The following RBFOX1 variants were observed in gnomAD, a reference collection of about 807,000 sequenced individuals.
RBFOX1 encodes RNA binding protein fox-1 homolog 1.
Under a neutral mutation model 57.7 loss-of-function variants are expected in RBFOX1, and 8 were observed. The ratio of observed to expected loss-of-function variants is 0.14; its 90% confidence interval spans 0.08 to 0.25. The LOEUF (loss-of-function observed/expected upper bound fraction) is 0.25. Ranked by LOEUF, RBFOX1 falls within the 10% of genes least tolerant of loss-of-function variation. The pLI, the probability that RBFOX1 is intolerant of heterozygous loss-of-function variation, is 1.00. For synonymous variants in RBFOX1, 326 were observed against 222.4 expected (o/e 1.47, Z -4.15); for missense variants, 611 against 548.5 (o/e 1.11, Z -1.14).
At position 5,418,080 on chromosome 16, in the gene RBFOX1, TCAA is replaced by T. The variant is rs58380992; in HGVS notation, c.220-49114_220-49112del. ...TGGGCAACAAGAGCAAAACTCCATC[TCAA>T]CAACAACAACAACAACAACAAATCT... is the stretch of plus-strand genomic sequence containing the variant. On this transcript the variant is annotated intron_variant, in intron 1 of 2. Transcript: ENST00000585867. Among the ~76,000 whole-genome samples, 280 of 150,988 alleles carry T rather than the reference TCAA, an allele frequency of 1.9e-3. 2 individuals carry two copies. Among genetic ancestry groups the T allele is most frequent in the African/African-American group, 5.7e-3 (235 of 41,064 alleles).
intron 3 of RBFOX1, among the ~76,000 whole-genome samples, chr16:6,887,372 C>T (rs2064312550): frequency 6.6e-6 from 1 of 152,066 alleles, no homozygotes. Context: ...TCTCCCTGGC[C>T]TTATGGGTTC....
At chr16:6,654,892 TTC>T (rs3045238) in intron 3 of RBFOX1, among the ~76,000 whole-genome samples, 71,677 of 151,784 alleles carry the variant, frequency 0.47, 17,495 homozygotes, top group South Asian at 0.53. Context: ...TGGTGCTGAT[TTC>T]TGTTTCAGTC....
At chr16:7,435,997 C>T (rs1424702363) in intron 4 of RBFOX1, among the ~76,000 whole-genome samples, 1 of 152,130 alleles carries the variant, frequency 6.6e-6, no homozygotes, top group Non-Finnish European at 1.5e-5. Flanking sequence ...TTTCTCTGCG[C>T]TGTGATCTTC....
At chr16:5,929,769 C>T (rs532902854) in intron 4 of RBFOX1, among the ~76,000 whole-genome samples, 2 of 152,188 alleles carry the variant, frequency 1.3e-5, no homozygotes, top group East Asian at 1.9e-4. Context: ...TAGTCACTTG[C>T]TGTGTGCCAC....
chr16:6,847,587 G>C (rs932886672), intron 3 of RBFOX1, among the ~76,000 whole-genome samples: 2 of 152,036 alleles, frequency 1.3e-5, no homozygotes, highest in Non-Finnish European at 2.9e-5. Flanking sequence ...CTGAAAAGTT[G>C]CATGGCAAAG....
At chr16:5,646,244 C>G (rs1009170604) in intron 3 of RBFOX1, among the ~76,000 whole-genome samples, 5 of 145,264 alleles carry the variant, frequency 3.4e-5, no homozygotes, top group African/African-American at 1.3e-4. Flanking sequence ...CCAGGATGGT[C>G]TCAATCTCTT....
At chr16:7,640,352 G>A (rs371898443) in intron 11 of RBFOX1, among the ~76,000 whole-genome samples, 14 of 152,180 alleles carry the variant, frequency 9.2e-5, no homozygotes, top group African/African-American at 2.4e-4. Flanking sequence ...CATTGCTTTC[G>A]TTATTAATCT....
intron 3 of RBFOX1, among the ~76,000 whole-genome samples, chr16:5,745,447 A>G (rs1037908223): frequency 6.6e-6 from 1 of 152,168 alleles, no homozygotes. Flanking sequence ...CAATCCTTTC[A>G]GTATATACCC....
intron 2 of RBFOX1, among the ~76,000 whole-genome samples, chr16:6,625,255 G>T (rs1432541725): frequency 2.0e-5 from 3 of 149,844 alleles, no homozygotes; most frequent in Non-Finnish European, 4.4e-5. Flanking sequence ...TTTAATTGCA[G>T]TTGAGTTAAG....
chr16:5,803,515 C>G (rs963029336), intron 3 of RBFOX1, among the ~76,000 whole-genome samples: 1 of 152,150 alleles, frequency 6.6e-6, no homozygotes, highest in Non-Finnish European at 1.5e-5. Context: ...TGTGAGATTG[C>G]AGTAAGTATT....
chr16:6,918,962 A>C (rs2073867823), intron 3 of RBFOX1, among the ~76,000 whole-genome samples: 1 of 152,018 alleles, frequency 6.6e-6, no homozygotes, highest in African/African-American at 2.4e-5. Flanking sequence ...TTCTCCATTT[A>C]ATAACAACAG....
chr16:6,726,323 C>G (rs190066352), intron 3 of RBFOX1, among the ~76,000 whole-genome samples: 13 of 151,776 alleles, frequency 8.6e-5, no homozygotes, highest in South Asian at 4.2e-4. Context: ...TTTCAAATTA[C>G]TACCTGTAAA....
intron 4 of RBFOX1, among the ~76,000 whole-genome samples, chr16:7,170,024 A>G (rs1401734676): frequency 2.6e-5 from 4 of 152,160 alleles, no homozygotes; most frequent in African/African-American, 4.8e-5. Context: ...CAGTGAACCA[A>G]GATTGTGCCA....
At chr16:7,581,862 C>T (rs1042137576) in intron 6 of RBFOX1, among the ~76,000 whole-genome samples, 9 of 152,060 alleles carry the variant, frequency 5.9e-5, no homozygotes, top group African/African-American at 1.9e-4. Context: ...AGGCACAAGC[C>T]ACCATGCTTG....
At chr16:6,794,439 C>T (rs985203858) in intron 3 of RBFOX1, among the ~76,000 whole-genome samples, 3 of 152,042 alleles carry the variant, frequency 2.0e-5, no homozygotes, top group Admixed American at 1.3e-4. Context: ...AGATTCCCTT[C>T]AGGATGCAGG....
intron 3 of RBFOX1, among the ~76,000 whole-genome samples, chr16:6,848,489 C>G (rs1393017223): frequency 6.6e-6 from 1 of 151,954 alleles, no homozygotes; most frequent in East Asian, 1.9e-4. Flanking sequence ...ACTGAAGGCA[C>G]TATTTGCTAT....
intron 3 of RBFOX1, among the ~76,000 whole-genome samples, chr16:6,880,312 C>T (rs1192315053): frequency 3.9e-5 from 6 of 152,124 alleles, no homozygotes; most frequent in Admixed American, 3.3e-4. Flanking sequence ...ACGAGGCAGC[C>T]AGAGAGACAG....
intron 4 of RBFOX1, among the ~76,000 whole-genome samples, chr16:7,120,838 C>CACACACACACACACACACAT (rs1555491048): frequency 0.25 from 35,520 of 141,014 alleles, 4,999 homozygotes; most frequent in Admixed American, 0.35. Flanking sequence ...TATACACACA[C>CACACACACACACACACACAT]ACACACACAC....
At chr16:6,976,835 C>T (rs1379053063) in intron 3 of RBFOX1, among the ~76,000 whole-genome samples, 1 of 136,896 alleles carries the variant, frequency 7.3e-6, no homozygotes, top group African/African-American at 2.7e-5. Flanking sequence ...ATATAATGTA[C>T]CTATCATATG....
Sources: gnomAD v4.1 joint callset for allele counts (sites outside exome capture counted in the v4.1 genomes callset) on GRCh38, gnomAD v4.1.1 for gene constraint, MANE v1.5 for transcripts, NCBI Gene and HGNC (gene_info 2026-07-23, HGNC 2026-07-21) for gene names.